Variants in DDX4 observed in about 807,000 individuals in gnomAD.
The protein encoded by DDX4 is DEAD-box helicase 4, also known as probable ATP-dependent RNA helicase DDX4.
Under a neutral mutation model 100.0 loss-of-function variants are expected in DDX4, and 25 were observed. That is an observed-to-expected ratio of 0.25 (90% CI 0.18 to 0.35). The LOEUF is 0.35. DDX4 is among the 10% of genes least tolerant of loss of function. The pLI is 1.00. For synonymous variants in DDX4, 259 were observed against 275.7 expected, an observed-to-expected ratio of 0.94 and a Z score of 0.60; for missense variants, 635 against 882.4, an observed-to-expected ratio of 0.72 and a Z score of 3.55.
intron 2 of DDX4, among the ~76,000 whole-genome samples, chr5:55,744,772 G>A (rs958855481): frequency 1.3e-5 from 2 of 152,252 alleles, no homozygotes; most frequent in Non-Finnish European, 2.9e-5. Context: ...TGATGCTACA[G>A]CTGAGGATAT....
At chr5:55,767,247 CCT>C (rs1740980589) in intron 6 of DDX4, among the ~76,000 whole-genome samples, 1 of 152,136 alleles carries the variant, frequency 6.6e-6, no homozygotes, top group African/African-American at 2.4e-5. Context: ...TCAAGACCAG[CCT>C]GGCCAACATG....
chr5:55,777,960 AT>A, intron 7 of DDX4, among the ~76,000 whole-genome samples: 1 of 152,308 alleles, frequency 6.6e-6, no homozygotes, highest in Non-Finnish European at 1.5e-5. Context: ...CAGAACAGAG[AT>A]TAATAAGAAT....
intron 3 of DDX4, among the ~76,000 whole-genome samples, chr5:55,759,150 C>T (rs1033170983): frequency 2.6e-5 from 4 of 152,052 alleles, no homozygotes; most frequent in Admixed American, 6.5e-5. Context: ...CTTTGGTCTC[C>T]CAAAGCTGTT....
intron 3 of DDX4, among the ~76,000 whole-genome samples, chr5:55,755,967 A>G (rs1053105336): frequency 9.2e-5 from 14 of 152,120 alleles, no homozygotes; most frequent in Middle Eastern, 3.2e-3. Flanking sequence ...AGTTTTCCCT[A>G]TAAATGGCAG....
In DDX4 at chr5:55,742,320, A is replaced by G. The variant is rs116611845; in HGVS notation, c.69+3288A>G. On this transcript the variant is annotated intron_variant, in intron 2 of 21. Coordinates refer to ENST00000505374, the MANE Select transcript of DDX4 (RefSeq NM_024415.3). ...GAGGCCTCTTGTTAACTGACCGTGA[A>G]TGTAAGCCTGTATAGTGATCACTTC... The G allele has an allele frequency of 1.4e-3, 617 of 445,386 alleles. 4 individuals carry two copies. Among genetic ancestry groups the G allele is most frequent in the African/African-American group, 0.011 (570 of 50,054 alleles). 27.6% of individuals were successfully genotyped at this position (445,386 alleles called of 1,614,324 possible).
chr5:55,747,250 T>A (rs1759292811), intron 3 of DDX4, among the ~76,000 whole-genome samples: 1 of 152,100 alleles, frequency 6.6e-6, no homozygotes, highest in Non-Finnish European at 1.5e-5. Flanking sequence ...TGGTGCTGCA[T>A]GCCTGCAGTC....
At chr5:55,790,923 T>C (rs1340188078) in intron 16 of DDX4, among the ~76,000 whole-genome samples, 1 of 152,240 alleles carries the variant, frequency 6.6e-6, no homozygotes, top group African/African-American at 2.4e-5. Flanking sequence ...AATGAGATTA[T>C]GTAATTTATT....
chr5:55,813,057 C>T (rs1179132651), intron 18 of DDX4, among the ~76,000 whole-genome samples: 6 of 152,028 alleles, frequency 3.9e-5, no homozygotes, highest in Non-Finnish European at 7.4e-5. Flanking sequence ...GGAAAATCTC[C>T]GGCCCATGCT....
At chr5:55,814,011 G>T (rs1286896849) in intron 19 of DDX4, among the ~76,000 whole-genome samples, 1 of 152,060 alleles carries the variant, frequency 6.6e-6, no homozygotes, top group African/African-American at 2.4e-5. Context: ...TAAGATAAAG[G>T]TCTGCCTTAC....
intron 6 of DDX4, among the ~76,000 whole-genome samples, chr5:55,765,409 A>ATATATATATAT (rs1416478232): frequency 4.5e-3 from 465 of 104,196 alleles, no homozygotes; most frequent in Middle Eastern, 9.3e-3. Context: ...AAAAAAAAAA[A>ATATATATATAT]AAAAATATAT....
chr5:55,796,349 T>G lies in DDX4; in HGVS notation c.1470-2077T>G, dbSNP rs562829102. Among the ~76,000 whole-genome samples the G allele has an allele frequency of 9.7e-4, 148 of 152,274 alleles. No homozygotes were observed. The Middle Eastern group carries it at 0.01, about 10-fold the overall frequency. Reference sequence around the variant, plus strand: ...CAAATATTAACCATTACGGTAGTAATCTCTAAAATATTTCACATCTGTTAG... The same window carrying G: ...CAAATATTAACCATTACGGTAGTAAGCTCTAAAATATTTCACATCTGTTAG... On this transcript the variant is annotated intron_variant, in intron 17 of 21. Coordinates refer to ENST00000505374, the MANE Select transcript of DDX4 (RefSeq NM_024415.3).
intron 4 of DDX4, among the ~76,000 whole-genome samples, chr5:55,761,014 T>TAA (rs1405786123): frequency 6.6e-6 from 1 of 152,224 alleles, no homozygotes; most frequent in Non-Finnish European, 1.5e-5. Context: ...AAAAACTCTA[T>TAA]TGAGACTTGC....
chr5:55,798,304 C>T, intron 17 of DDX4, 122 bp from the exon 18 acceptor site: 1 of 1,066,888 alleles, frequency 9.4e-7, no homozygotes, highest in East Asian at 2.6e-5. Context: ...AACCAACCAT[C>T]TTATAGCTGT....
chr5:55,813,861 T>A, intron 19 of DDX4, 89 bp downstream of exon 19: 1 of 1,353,316 alleles, frequency 7.4e-7, no homozygotes, highest in Admixed American at 2.9e-5. Context: ...TATGATATAA[T>A]CCTAGGATTG....
At chr5:55,764,385 G>A (rs986279888) in intron 6 of DDX4, among the ~76,000 whole-genome samples, 1 of 152,168 alleles carries the variant, frequency 6.6e-6, no homozygotes, top group Non-Finnish European at 1.5e-5. Context: ...AATACAGTTT[G>A]TGATGTATAG....
chr5:55,790,739 T>C, intron 16 of DDX4, 34 bp downstream of exon 16: 1 of 1,599,372 alleles, frequency 6.3e-7, no homozygotes, highest in African/African-American at 1.3e-5. Context: ...GTTGTGAGAT[T>C]GATACTTTTT....
intron 18 of DDX4, among the ~76,000 whole-genome samples, chr5:55,804,681 T>C (rs1472730237): frequency 3.3e-5 from 5 of 152,148 alleles, no homozygotes; most frequent in African/African-American, 1.2e-4. Context: ...CATTGATCTA[T>C]ATCTCTGTTT....
chr5:55,786,171 T>C (rs1363098710), intron 13 of DDX4, among the ~76,000 whole-genome samples: 1 of 152,152 alleles, frequency 6.6e-6, no homozygotes, highest in Non-Finnish European at 1.5e-5. Flanking sequence ...AAGTGTGTCT[T>C]AGGGCAGTGA....
At chr5:55,782,089 AG>A in intron 10 of DDX4, 108 bp downstream of exon 10, 1 of 1,309,864 alleles carries the variant, frequency 7.6e-7, no homozygotes, top group South Asian at 1.3e-5. Flanking sequence ...TTGAAGTTAA[AG>A]GTAACTGTTA....
Sources: allele counts gnomAD v4.1 joint callset (sites outside exome capture counted in the v4.1 genomes callset), GRCh38; gene constraint gnomAD v4.1.1; transcripts MANE v1.5; gene names NCBI Gene and HGNC (gene_info 2026-07-23, HGNC 2026-07-21).